CTIF: variants seen among roughly 807,000 people sequenced by gnomAD.
The protein encoded by CTIF is CBP80/20-dependent translation initiation factor.
A neutral mutation model predicts 66.0 loss-of-function variants in CTIF; 21 were observed. The observed-to-expected ratio is 0.32, with a 90% CI of 0.23 to 0.46. The LOEUF (loss-of-function observed/expected upper bound fraction) is 0.46, where lower values mean the gene tolerates loss of function less well. CTIF is among the 20% of genes least tolerant of loss of function. The pLI, the probability that CTIF is intolerant of heterozygous loss-of-function variation, is 1.00. For synonymous variants in CTIF, 345 were observed against 326.4 expected (o/e 1.06, Z -0.62); for missense variants, 739 against 812.7 (o/e 0.91, Z 1.10).
At chr18:48,682,145 A>G (rs2091757181) in intron 6 of CTIF, among the ~76,000 whole-genome samples, 1 of 152,130 alleles carries the variant, frequency 6.6e-6, no homozygotes, top group Non-Finnish European at 1.5e-5. Flanking sequence ...GCCCTCCCTG[A>G]TAAGGGACTT....
rs2089974908 is a variant in CTIF, at chr18:48,595,614, T to C, written c.-28-23924T>C. ...GCTAATATTTTATTTTTTTGTAGGGTTGGGGTCTCTGTATGTTGCCCATGC... is the reference window on the plus strand; with the variant it reads ...GCTAATATTTTATTTTTTTGTAGGGCTGGGGTCTCTGTATGTTGCCCATGC... On this transcript the variant is annotated intron_variant, in intron 1 of 11. Transcript: ENST00000256413. Among the ~76,000 whole-genome samples the C allele has an allele frequency of 2.6e-5, 4 of 151,866 alleles. No individual in the cohort carries two copies. The South Asian group carries it at 8.3e-4, about 32-fold the overall frequency.
chr18:48,784,410 G>A (rs1911527441), intron 9 of CTIF, among the ~76,000 whole-genome samples: 1 of 152,234 alleles, frequency 6.6e-6, no homozygotes, highest in African/African-American at 2.4e-5. Context: ...AGTATAGTGT[G>A]CACTGGGGGC....
chr18:48,722,158 T>C (rs59315389), intron 7 of CTIF, among the ~76,000 whole-genome samples: 1,677 of 151,060 alleles, frequency 0.011, 33 homozygotes, highest in African/African-American at 0.039. Context: ...CTTCCCCAGA[T>C]CTGGCACACA....
chr18:48,638,709 G>A (rs1422885391), intron 3 of CTIF, among the ~76,000 whole-genome samples: 1 of 152,258 alleles, frequency 6.6e-6, no homozygotes, highest in African/African-American at 2.4e-5. Flanking sequence ...AAGCAGCTGA[G>A]CAGTTGACTC....
chr18:48,614,538 A>C (rs914577951), intron 1 of CTIF, among the ~76,000 whole-genome samples: 1 of 152,228 alleles, frequency 6.6e-6, no homozygotes, highest in Non-Finnish European at 1.5e-5. Flanking sequence ...TTCAGCCATA[A>C]AGGGGCATGA....
At chr18:48,740,703 C>T (rs2092545986) in intron 7 of CTIF, among the ~76,000 whole-genome samples, 1 of 152,242 alleles carries the variant, frequency 6.6e-6, no homozygotes, top group Non-Finnish European at 1.5e-5. Context: ...CCACCACGCA[C>T]CTTGTTCTTT....
intron 1 of CTIF, among the ~76,000 whole-genome samples, chr18:48,595,633 C>T (rs2089975482): frequency 2.6e-5 from 4 of 152,154 alleles, no homozygotes; most frequent in Admixed American, 2.6e-4. Context: ...CTGTATGTTG[C>T]CCATGCTGGT....
chr18:48,821,938 A>G (rs1599109944), intron 10 of CTIF, among the ~76,000 whole-genome samples: 1 of 152,204 alleles, frequency 6.6e-6, no homozygotes, highest in East Asian at 1.9e-4. Flanking sequence ...GAACATATGC[A>G]TCTTGCATAA....
intron 1 of CTIF, among the ~76,000 whole-genome samples, chr18:48,574,396 A>T (rs2089485018): frequency 6.6e-6 from 1 of 152,232 alleles, no homozygotes; most frequent in South Asian, 2.1e-4. Context: ...AGTGCATAAT[A>T]TTGCATTAAA....
intron 6 of CTIF, among the ~76,000 whole-genome samples, chr18:48,702,666 T>C (rs1023287228): frequency 2.6e-5 from 4 of 152,192 alleles, no homozygotes; most frequent in African/African-American, 9.7e-5. Flanking sequence ...TCAGCTAAGG[T>C]ATTGTTTTTA....
At chr18:48,706,583 G>A (rs991629102) in intron 6 of CTIF, among the ~76,000 whole-genome samples, 2 of 152,164 alleles carry the variant, frequency 1.3e-5, no homozygotes, top group African/African-American at 4.8e-5. Flanking sequence ...TGGGGCTCAT[G>A]TTCTGGGGCC....
chr18:48,756,420 A>G (rs1269854515), intron 7 of CTIF: 2 of 152,246 alleles, frequency 1.3e-5, no homozygotes, highest in East Asian at 1.9e-4. Context: ...TGTATCAAGT[A>G]AATATTAAAA....
intron 10 of CTIF, among the ~76,000 whole-genome samples, chr18:48,842,541 A>G (rs2068969918): frequency 8.5e-6 from 1 of 117,088 alleles, no homozygotes. Context: ...GTTCCGCCTC[A>G]GAAGAGCAGC....
chr18:48,706,071 A>G (rs555359782), intron 6 of CTIF, among the ~76,000 whole-genome samples: 3 of 152,236 alleles, frequency 2.0e-5, no homozygotes, highest in South Asian at 2.1e-4. Flanking sequence ...GGATGGGGGC[A>G]TGGGTAGGTA....
intron 2 of CTIF, among the ~76,000 whole-genome samples, chr18:48,632,041 C>A (rs1018923814): frequency 1.3e-5 from 2 of 152,120 alleles, no homozygotes; most frequent in South Asian, 4.1e-4. Context: ...AAACGGGAGG[C>A]AGGAGGTGGT....
At chr18:48,855,499 C>T (rs1287333801) in intron 10 of CTIF, among the ~76,000 whole-genome samples, 1 of 152,220 alleles carries the variant, frequency 6.6e-6, no homozygotes, top group African/African-American at 2.4e-5. Flanking sequence ...TAGGAGTTAA[C>T]TGTGGCCTGA....
At chr18:48,652,312 A>C (rs1228920611) in intron 3 of CTIF, among the ~76,000 whole-genome samples, 1 of 152,250 alleles carries the variant, frequency 6.6e-6, no homozygotes, top group East Asian at 1.9e-4. Flanking sequence ...ATCACCACTG[A>C]TCCCACAGAA....
intron 9 of CTIF, among the ~76,000 whole-genome samples, chr18:48,801,175 C>G (rs1449088579): frequency 2.0e-5 from 3 of 152,218 alleles, no homozygotes; most frequent in Non-Finnish European, 4.4e-5. Context: ...GAATGGCACA[C>G]TGTGAGAGAG....
intron 9 of CTIF, among the ~76,000 whole-genome samples, chr18:48,795,095 G>A (rs963494041): frequency 2.0e-5 from 3 of 152,202 alleles, no homozygotes; most frequent in African/African-American, 7.2e-5. Flanking sequence ...ACCTTAGGAA[G>A]AAGCTATATT....
Sources: allele counts gnomAD v4.1 joint callset (sites outside exome capture counted in the v4.1 genomes callset), GRCh38; gene constraint gnomAD v4.1.1; transcripts MANE v1.5; gene names NCBI Gene and HGNC (gene_info 2026-07-23, HGNC 2026-07-21).